The following TMOD1 variants were observed in gnomAD, a reference collection of about 807,000 sequenced individuals.
The protein encoded by TMOD1 is tropomodulin 1, also known as tropomodulin-1.
In TMOD1, 17 loss-of-function variants were observed where a neutral mutation model predicts 40.6. The ratio of observed to expected loss-of-function variants is 0.42; its 90% confidence interval spans 0.29 to 0.63. The LOEUF (loss-of-function observed/expected upper bound fraction) is 0.63. TMOD1 is among the 20% of genes least tolerant of loss of function. The pLI, the probability that TMOD1 is intolerant of heterozygous loss-of-function variation, is 0.22. For synonymous variants in TMOD1, 181 were observed against 175.0 expected (o/e 1.03, Z -0.27); for missense variants, 391 against 447.6 (o/e 0.87, Z 1.14).
chr9:97,504,512 T>C (rs533953290), intron 1 of TMOD1, among the ~76,000 whole-genome samples: 5 of 152,140 alleles, frequency 3.3e-5, no homozygotes, highest in African/African-American at 1.2e-4. Flanking sequence ...TAAAGGGGAA[T>C]CTAAAAGGTG....
intron 2 of TMOD1, among the ~76,000 whole-genome samples, chr9:97,538,558 T>A (rs1830223015): frequency 6.6e-6 from 1 of 152,162 alleles, no homozygotes; most frequent in Non-Finnish European, 1.5e-5. Context: ...TGAGTTCAAT[T>A]TCCCACAGGC....
chr9:97,563,264 A>C (rs924057707), intron 5 of TMOD1, among the ~76,000 whole-genome samples: 8 of 152,104 alleles, frequency 5.3e-5, no homozygotes, highest in African/African-American at 1.9e-4. Context: ...CATTGCCCAG[A>C]CTGGTCTCGA....
intron 2 of TMOD1, among the ~76,000 whole-genome samples, chr9:97,540,710 G>GT (rs142192063): frequency 6.6e-6 from 1 of 151,614 alleles, no homozygotes. Context: ...GTAGTACTAC[G>GT]TTTTTTTTCA....
At chr9:97,566,031 C>T in intron 7 of TMOD1, 76 bp downstream of exon 7, 2 of 1,271,130 alleles carry the variant, frequency 1.6e-6, no homozygotes, top group Middle Eastern at 3.9e-4. Flanking sequence ...GGCCTCAGGA[C>T]TGGTTGTATC....
At chr9:97,503,796 C>T (rs995942581) in intron 1 of TMOD1, among the ~76,000 whole-genome samples, 1 of 152,178 alleles carries the variant, frequency 6.6e-6, no homozygotes, top group Non-Finnish European at 1.5e-5. Context: ...TGGCTCCAGC[C>T]CCAACTCTGC....
chr9:97,551,012 ATATTTTTTTTTTTT>A (rs1187863268), intron 3 of TMOD1, among the ~76,000 whole-genome samples: 25 of 39,344 alleles, frequency 6.4e-4, no homozygotes, highest in East Asian at 6.2e-3. Flanking sequence ...ATATATATAT[ATATTTTTTTTTTTT>A]TTTTTTTTTT....
intron 1 of TMOD1, among the ~76,000 whole-genome samples, chr9:97,507,214 T>G (rs1269816857): frequency 1.3e-5 from 2 of 152,162 alleles, no homozygotes; most frequent in East Asian, 1.9e-4. Flanking sequence ...GCCTGGGCAG[T>G]GCTGGGATGG....
chr9:97,582,913 G>A (rs1421421479), intron 8 of TMOD1, among the ~76,000 whole-genome samples: 1 of 150,866 alleles, frequency 6.6e-6, no homozygotes, highest in Non-Finnish European at 1.5e-5. Context: ...GAGACAATGG[G>A]GTTTTCTAGA....
chr9:97,598,838 C>T (rs1473359384), intron 9 of TMOD1, among the ~76,000 whole-genome samples: 3 of 152,196 alleles, frequency 2.0e-5, no homozygotes, highest in Admixed American at 6.5e-5. Context: ...AGCTTCCTGT[C>T]TCTGCCAACA....
intron 7 of TMOD1, among the ~76,000 whole-genome samples, chr9:97,566,938 T>C (rs1284210506): frequency 1.3e-5 from 2 of 152,172 alleles, no homozygotes; most frequent in Admixed American, 6.5e-5. Context: ...TTCTGGTCCA[T>C]TTGGCCAAGC....
chr9:97,572,584 C>T (rs1207678805), intron 8 of TMOD1, among the ~76,000 whole-genome samples: 2 of 152,070 alleles, frequency 1.3e-5, no homozygotes, highest in Admixed American at 6.5e-5. Context: ...TCAGGTGCCC[C>T]AGCCCCAGGC....
intron 3 of TMOD1, among the ~76,000 whole-genome samples, chr9:97,552,943 CT>C (rs1250697764): frequency 1.3e-5 from 2 of 152,180 alleles, no homozygotes; most frequent in Admixed American, 6.5e-5. Flanking sequence ...GTCTCAGAAC[CT>C]TTGGTTAAGG....
In TMOD1 at chr9:97,599,414, T is replaced by C. The variant is rs938652312; in HGVS notation, c.1016-220T>C. On this transcript the variant is annotated intron_variant, in intron 9 of 9. Transcript: ENST00000259365. ...TGTGTGGTCAGCCACTTAGCAGATA[T>C]CTATGAATGAATCTCCACTACCACA... Among the ~76,000 whole-genome samples the C allele has an allele frequency of 2.0e-5, 3 of 152,154 alleles. No homozygotes were observed. The East Asian group carries it at 5.8e-4, about 29-fold the overall frequency.
chr9:97,548,158 A>G (rs1830393740), intron 3 of TMOD1, among the ~76,000 whole-genome samples: 1 of 152,148 alleles, frequency 6.6e-6, no homozygotes, highest in South Asian at 2.1e-4. Context: ...AGTCTCTTCC[A>G]TTCCCTCCAC....
intron 3 of TMOD1, among the ~76,000 whole-genome samples, chr9:97,551,014 A>ATTTTTTT (rs55700746): frequency 2.9e-5 from 3 of 104,244 alleles, no homozygotes; most frequent in Admixed American, 1.1e-4. Context: ...ATATATATAT[A>ATTTTTTT]TTTTTTTTTT....
At chr9:97,559,950 A>G (rs1348089327) in intron 4 of TMOD1, among the ~76,000 whole-genome samples, 1 of 150,572 alleles carries the variant, frequency 6.6e-6, no homozygotes, top group African/African-American at 2.4e-5. Context: ...ACCGAGAGCC[A>G]CTGGTCTTGT....
chr9:97,535,120 G>C (rs1830160668), intron 2 of TMOD1, among the ~76,000 whole-genome samples: 1 of 152,184 alleles, frequency 6.6e-6, no homozygotes, highest in African/African-American at 2.4e-5. Context: ...CTGATGAATT[G>C]GTCAAGAATT....
At chr9:97,529,531 C>G (rs1444401158) in intron 2 of TMOD1, among the ~76,000 whole-genome samples, 1 of 146,204 alleles carries the variant, frequency 6.8e-6, no homozygotes, top group Non-Finnish European at 1.5e-5. Flanking sequence ...AACTTGTGCA[C>G]GTTAAAAAAA....
chr9:97,514,150 C>T (rs1407364888), intron 1 of TMOD1, among the ~76,000 whole-genome samples: 1 of 151,820 alleles, frequency 6.6e-6, no homozygotes, highest in African/African-American at 2.4e-5. Flanking sequence ...CAACCTCTGT[C>T]TCCCAGGTTC....
Sources: allele counts gnomAD v4.1 joint callset (sites outside exome capture counted in the v4.1 genomes callset), GRCh38; gene constraint gnomAD v4.1.1; transcripts MANE v1.5; gene names NCBI Gene and HGNC (gene_info 2026-07-23, HGNC 2026-07-21).